UGGT2: variants seen among roughly 807,000 people sequenced by gnomAD.
UGGT2 encodes UDP-glucose:glycoprotein glucosyltransferase 2.
A neutral mutation model predicts 192.1 loss-of-function variants in UGGT2; 180 were observed. The observed-to-expected ratio is 0.94, with a 90% CI of 0.83 to 1.06. The LOEUF (loss-of-function observed/expected upper bound fraction) is 1.06. Ranked by LOEUF, UGGT2 falls within the 50% of genes least tolerant of loss-of-function variation. The probability of loss-of-function intolerance (pLI) is 0.00; values close to 1 mark genes in which losing one functional copy is unlikely to be tolerated. For missense variants in UGGT2, 1,849 were observed against 1,795.7 expected (o/e 1.03, Z -0.54); for synonymous variants, 580 against 591.0 (o/e 0.98, Z 0.27).
intron 10 of UGGT2, among the ~76,000 whole-genome samples, chr13:95,980,594 C>A (rs1031119603): frequency 2.0e-5 from 3 of 152,150 alleles, no homozygotes; most frequent in Admixed American, 2.0e-4. Flanking sequence ...TCCCAAAAAA[C>A]CTACTGAAAT....
chr13:95,894,554 A>G lies in UGGT2; in HGVS notation c.2855+8T>C, dbSNP rs762700005. 1.2e-6 allele frequency: 2 copies of G among 1,607,044 alleles called. No homozygotes were observed. Among genetic ancestry groups the G allele is most frequent in the Non-Finnish European group, 1.7e-6 (2 of 1,175,412 alleles). ...AAAAATCACAAACAAATACGAATAC[A>G]TTCTTACCTGTGATTCTCCCTAAGA... On this transcript the variant is annotated splice_region_variant and intron_variant, in intron 24 of 38. Transcript: ENST00000376747.
At chr13:95,845,992 G>T (rs1005497830) in intron 36 of UGGT2, among the ~76,000 whole-genome samples, 4 of 150,624 alleles carry the variant, frequency 2.7e-5, no homozygotes, top group Non-Finnish European at 4.4e-5. Flanking sequence ...GGGCGGCCAG[G>T]CAGAGACGCT....
Position 95,927,275 on chromosome 13 carries a change from G to T in UGGT2, c.2039C>A (p.Pro680His). The T allele has an allele frequency of 6.2e-7, 1 of 1,612,014 alleles. No individual in the cohort carries two copies. Among genetic ancestry groups the T allele is most frequent in the Non-Finnish European group, 8.5e-7 (1 of 1,179,260 alleles). ...ACGCAAAATCAAAGTATTTATACGG[G>T]GTACAACATTATTCCTATCCATTAG... ...DFLMDRNNVVPRINTLILRTN... is the reference protein window; with the variant it reads ...DFLMDRNNVVHRINTLILRTN... Residue 680 changes from proline to histidine, a missense_variant, in exon 18 of 39, where the codon CCC becomes CAC. Transcript: ENST00000376747.
chr13:95,960,705 T>C lies in UGGT2; in HGVS notation c.1335+9407A>G, dbSNP rs181185091. Among the ~76,000 whole-genome samples, 9 of 152,264 alleles carry C rather than the reference T, an allele frequency of 5.9e-5. No homozygotes were observed. The East Asian group carries it at 1.7e-3, about 29-fold the overall frequency. Reference sequence around the variant, plus strand: ...TACAGGAGGCACAGAGATTCCCAAATAGATACAATTCCAAAAGGTTTTGCC... The same window carrying C: ...TACAGGAGGCACAGAGATTCCCAAACAGATACAATTCCAAAAGGTTTTGCC... On this transcript the variant is annotated intron_variant, in intron 12 of 38. Transcript: ENST00000376747.
Position 96,053,351 on chromosome 13 carries a change from C to G in UGGT2, c.-39G>C, listed in dbSNP as rs763957639. 19 of 1,564,702 alleles carry G rather than the reference C, an allele frequency of 1.2e-5. No homozygotes were observed. The South Asian group carries it at 2.2e-4, about 18-fold the overall frequency. On this transcript the variant is annotated 5_prime_UTR_variant, in exon 1 of 39. Transcript: ENST00000376747. ...AAGCGCGAGTCCCTCGGACCCGGTACCCACAGTCTGTGGCCGCCACGCTTC... is the reference window on the plus strand; with the variant it reads ...AAGCGCGAGTCCCTCGGACCCGGTAGCCACAGTCTGTGGCCGCCACGCTTC...
intron 1 of UGGT2, among the ~76,000 whole-genome samples, chr13:96,050,060 C>T (rs7328164): frequency 0.39 from 59,105 of 151,970 alleles, 11,720 homozygotes; most frequent in Middle Eastern, 0.44. Context: ...GGAGGCATCA[C>T]GCTACCTGAC....
At chr13:95,863,565 AACTTCCACATACTAG>A in intron 31 of UGGT2, 49 bp downstream of exon 31, 1 of 1,337,146 alleles carries the variant, frequency 7.5e-7, no homozygotes, top group Non-Finnish European at 1.1e-6. Flanking sequence ...CTACCTGTGG[AACTTCCACATACTAG>A]ACTTCTGGAT....
At chr13:95,820,327 A>T (rs982386048) in intron 38 of UGGT2, among the ~76,000 whole-genome samples, 5 of 152,250 alleles carry the variant, frequency 3.3e-5, no homozygotes, top group African/African-American at 9.6e-5. Context: ...GAAGAAGCAG[A>T]CAAAGCAGTC....
chr13:95,876,613 G>A (rs754701696), intron 29 of UGGT2, among the ~76,000 whole-genome samples: 4 of 152,196 alleles, frequency 2.6e-5, no homozygotes, highest in Non-Finnish European at 2.9e-5. Flanking sequence ...TTCCCCCAAG[G>A]GGGTATCTCT....
intron 27 of UGGT2, among the ~76,000 whole-genome samples, chr13:95,879,317 C>T (rs944578488): frequency 1.3e-5 from 2 of 152,146 alleles, no homozygotes; most frequent in Non-Finnish European, 2.9e-5. Flanking sequence ...TTATTCAAAC[C>T]ACAACATACA....
chr13:95,884,366 A>G, intron 27 of UGGT2, 125 bp downstream of exon 27: 1 of 800,208 alleles, frequency 1.2e-6, no homozygotes, highest in African/African-American at 1.8e-5. Context: ...ATCAGGACCT[A>G]GAATCATAAA....
At chr13:95,910,661 T>C (rs1180649017) in intron 20 of UGGT2, among the ~76,000 whole-genome samples, 1 of 152,080 alleles carries the variant, frequency 6.6e-6, no homozygotes, top group Non-Finnish European at 1.5e-5. Context: ...CACCCCACTG[T>C]CAATATTAGA....
At chr13:95,937,224 C>G in intron 16 of UGGT2, 136 bp from the exon 17 acceptor site, 1 of 1,005,998 alleles carries the variant, frequency 9.9e-7, no homozygotes, top group Non-Finnish European at 1.4e-6. Flanking sequence ...TCTGTCCTTT[C>G]CAAACATTGC....
At chr13:95,826,153 A>G (rs1391163292) in intron 38 of UGGT2, among the ~76,000 whole-genome samples, 2 of 152,146 alleles carry the variant, frequency 1.3e-5, no homozygotes, top group Non-Finnish European at 1.5e-5. Flanking sequence ...TAAGTTGATA[A>G]AATGCAACCA....
At chr13:96,050,813 AT>A (rs1179013613) in intron 1 of UGGT2, among the ~76,000 whole-genome samples, 4 of 152,246 alleles carry the variant, frequency 2.6e-5, no homozygotes, top group Non-Finnish European at 5.9e-5. Flanking sequence ...AAGGGCGATC[AT>A]TAAAAAGTCA....
At chr13:95,844,563 G>A (rs1013784135) in intron 36 of UGGT2, among the ~76,000 whole-genome samples, 2 of 152,160 alleles carry the variant, frequency 1.3e-5, no homozygotes, top group Non-Finnish European at 1.5e-5. Flanking sequence ...AAATGCTACA[G>A]AAATGGATAA....
chr13:95,904,709 G>A (rs1041900933), intron 20 of UGGT2, among the ~76,000 whole-genome samples: 7 of 151,988 alleles, frequency 4.6e-5, no homozygotes, highest in East Asian at 1.9e-4. Flanking sequence ...TGGACATTTC[G>A]GTTGGTTCCA....
chr13:95,874,624 A>T (rs1891502848), intron 29 of UGGT2, among the ~76,000 whole-genome samples: 1 of 152,142 alleles, frequency 6.6e-6, no homozygotes, highest in Admixed American at 6.5e-5. Context: ...ACCATGGGCG[A>T]CTGAAACCAC....
intron 8 of UGGT2, among the ~76,000 whole-genome samples, chr13:95,988,171 A>T (rs1006799935): frequency 1.3e-5 from 2 of 151,966 alleles, no homozygotes; most frequent in Admixed American, 6.6e-5. Context: ...GAATCGAATA[A>T]TCCATTCCTT....
Sources: gnomAD v4.1 joint callset for allele counts (sites outside exome capture counted in the v4.1 genomes callset) on GRCh38, gnomAD v4.1.1 for gene constraint, MANE v1.5 for transcripts, NCBI Gene and HGNC (gene_info 2026-07-23, HGNC 2026-07-21) for gene names.